Variants in TBCD observed in about 807,000 individuals in gnomAD.
The protein encoded by TBCD is tubulin folding cofactor D.
A neutral mutation model predicts 169.3 loss-of-function variants in TBCD; 105 were observed. The observed-to-expected ratio is 0.62, with a 90% confidence interval of 0.53 to 0.73. TBCD has a LOEUF of 0.73. TBCD is among the 30% of genes least tolerant of loss of function. The probability of loss-of-function intolerance (pLI) is 0.00; values close to 1 mark genes in which losing one functional copy is unlikely to be tolerated. For synonymous variants in TBCD, 700 were observed against 643.9 expected (o/e 1.09, Z -1.32); for missense variants, 1,444 against 1,600.1 (o/e 0.90, Z 1.66).
rs906382290 is a variant in TBCD, at chr17:82,782,751, G to A, written c.771+1030G>A. Among the ~76,000 whole-genome samples the A allele has an allele frequency of 1.4e-5, 2 of 144,982 alleles. No individual in the cohort carries two copies. The highest frequency in any genetic ancestry group is 3.0e-5 in the Non-Finnish European group (2 of 67,686). On this transcript the variant is annotated intron_variant, in intron 7 of 38. Coordinates refer to ENST00000355528, the MANE Select transcript of TBCD (RefSeq NM_005993.5). This position sits in a 1 kb window ranked among gnomAD's most constrained non-coding sequence, Gnocchi z 5.1. ...TGTCCGCAGCATCGTCTTCCTATCC[G>A]CGGCATTGTCTTCCTATCCGCGGCG...
chr17:82,939,340 G>C, intron 36 of TBCD, 27 bp from the exon 37 acceptor site: 1 of 1,588,586 alleles, frequency 6.3e-7, no homozygotes, highest in Non-Finnish European at 8.6e-7. Flanking sequence ...GCTTCCCTCC[G>C]GCAAATGCAC....
chr17:82,813,281 C>G (rs891160369), intron 12 of TBCD, among the ~76,000 whole-genome samples: 5 of 152,204 alleles, frequency 3.3e-5, no homozygotes, highest in African/African-American at 1.2e-4. Context: ...CTCTCTCTCT[C>G]TCTCTCTTCC....
intron 36 of TBCD, 118 bp downstream of exon 36, chr17:82,938,254 A>C (rs2062803013): frequency 8.4e-7 from 1 of 1,187,290 alleles, no homozygotes; most frequent in Non-Finnish European, 1.2e-6. Context: ...CCCTCTCGTT[A>C]ACGCGCCTGG....
At chr17:82,768,337 AG>A (rs1468832557) in intron 4 of TBCD, 82 bp from the exon 5 acceptor site, 10 of 1,532,598 alleles carry the variant, frequency 6.5e-6, no homozygotes, top group African/African-American at 1.4e-5. Context: ...GTGGGCATGG[AG>A]GGCAGTGACT....
chr17:82,887,228 T>C (rs1342444381), intron 15 of TBCD, among the ~76,000 whole-genome samples: 1 of 151,072 alleles, frequency 6.6e-6, no homozygotes, highest in Non-Finnish European at 1.5e-5. Context: ...ACATACAAAT[T>C]CACGTATCCA....
rs780416845 is a variant in TBCD, at chr17:82,926,485, T to C, written c.2465T>C (p.Ile822Thr). Residue 822 changes from isoleucine to threonine, a missense_variant, in exon 28 of 39, where the codon ATT becomes ACT. Physicochemically the swap from Ile to Thr is moderately conservative, Grantham distance 89. Coordinates refer to ENST00000355528, the MANE Select transcript of TBCD (RefSeq NM_005993.5). ...TCCAGGAGAGACGGCTTGAAGGCCATTGCGAGGTGAGTCCCAACAGTTCCT... is the reference window on the plus strand; with the variant it reads ...TCCAGGAGAGACGGCTTGAAGGCCACTGCGAGGTGAGTCCCAACAGTTCCT... ...AESRRDGLKA[I>T]ARICQTVGVK... The C allele has an allele frequency of 6.2e-7, 1 of 1,613,804 alleles. No homozygotes were observed. Among genetic ancestry groups the C allele is most frequent in the East Asian group, 2.2e-5 (1 of 44,854 alleles).
intron 13 of TBCD, among the ~76,000 whole-genome samples, chr17:82,850,560 CTGT>C (rs2055702626): frequency 6.8e-6 from 1 of 147,672 alleles, no homozygotes; most frequent in African/African-American, 2.5e-5. Flanking sequence ...GTTGGCTGTG[CTGT>C]TGTTGGCTGT....
At chr17:82,878,804 C>T (rs576936532) in intron 14 of TBCD, among the ~76,000 whole-genome samples, 1 of 152,198 alleles carries the variant, frequency 6.6e-6, no homozygotes, top group Admixed American at 6.5e-5. Context: ...TTCCTGTGTC[C>T]CCACCCCGAC....
At chr17:82,897,711 T>C (rs1227115018) in intron 17 of TBCD, among the ~76,000 whole-genome samples, 2 of 152,230 alleles carry the variant, frequency 1.3e-5, no homozygotes, top group Non-Finnish European at 2.9e-5. Context: ...CCATCCTGAC[T>C]GACCTCCTGT....
chr17:82,918,641 C>T (rs1415060889), intron 23 of TBCD: 1 of 152,198 alleles, frequency 6.6e-6, no homozygotes, highest in Non-Finnish European at 1.5e-5. Context: ...ACCACTGAGT[C>T]CCGTGTGCCG....
intron 23 of TBCD, among the ~76,000 whole-genome samples, chr17:82,919,858 C>T (rs529178303): frequency 3.3e-5 from 5 of 152,160 alleles, no homozygotes; most frequent in African/African-American, 1.2e-4. Context: ...ATCTGTAGCA[C>T]GGTCAGGCCT....
rs1266261478 is a variant in TBCD, at chr17:82,832,805, C to T, written c.1318+17871C>T. ...CGGTCACAGAAGCAGCCCTGCCCTA[C>T]CCTTGGTAACCTGGCTGCTGACTCC... On this transcript the variant is annotated intron_variant, in intron 13 of 38. Coordinates refer to ENST00000355528, the MANE Select transcript of TBCD (RefSeq NM_005993.5). The surrounding 1 kb of genome is among the most constrained non-coding windows in gnomAD (Gnocchi z 4.9). Among the ~76,000 whole-genome samples, 5 of 152,218 alleles carry T rather than the reference C, an allele frequency of 3.3e-5. No individual in the cohort carries two copies. Among genetic ancestry groups the T allele is most frequent in the African/African-American group, 9.6e-5 (4 of 41,456 alleles).
At chr17:82,758,384 GA>G (rs71168146) in intron 2 of TBCD, among the ~76,000 whole-genome samples, 1,347 of 25,100 alleles carry the variant, frequency 0.054, 84 homozygotes, top group African/African-American at 0.13. Context: ...AAACGTCTCG[GA>G]AAAAAAAAAA....
In TBCD at chr17:82,864,952, C is replaced by T. The variant is rs3887992; in HGVS notation, c.1319-5272C>T. Among the ~76,000 whole-genome samples, 21 of 151,862 alleles carry T rather than the reference C, an allele frequency of 1.4e-4. No homozygotes were observed. The South Asian group carries it at 2.9e-3, about 21-fold the overall frequency. The stretch of plus-strand genomic sequence containing the variant: ...GTTGGGGGTGGGGCTCCTTGCCCCC[C>T]AAGGGCAGGCCGAGCACCAAGTCTG... On this transcript the variant is annotated intron_variant, in intron 13 of 38. Transcript: ENST00000355528. The surrounding 1 kb of genome is among the most constrained non-coding windows in gnomAD (Gnocchi z 6.3).
At chr17:82,850,168 CTGTGCT>C (rs2055616029) in intron 13 of TBCD, among the ~76,000 whole-genome samples, 2 of 116,878 alleles carry the variant, frequency 1.7e-5, no homozygotes, top group Non-Finnish European at 3.6e-5. Flanking sequence ...CTGTTGTTGC[CTGTGCT>C]GCTGTTGGCT....
intron 8 of TBCD, among the ~76,000 whole-genome samples, chr17:82,800,610 G>C (rs2050441356): frequency 6.6e-6 from 1 of 152,088 alleles, no homozygotes; most frequent in Non-Finnish European, 1.5e-5. Context: ...TGTGTGTGCT[G>C]CCCCCCTTCA....
Position 82,860,298 on chromosome 17 carries a change from G to A in TBCD, c.1319-9926G>A, listed in dbSNP as rs192171264. The A allele has an allele frequency of 9.7e-4, 888 of 914,858 alleles. 5 individuals carry two copies. In the Admixed American group the frequency reaches 0.014, roughly 14 times the overall value. 56.7% of individuals were successfully genotyped at this position (914,858 alleles called of 1,614,324 possible). The stretch of plus-strand genomic sequence containing the variant: ...CAGGGAGGGCCCCCGCCCCCTGCAT[G>A]GCGGTCACGCTGCGCTGAGCGTCCC... On this transcript the variant is annotated intron_variant, in intron 13 of 38. Transcript: ENST00000355528.
At chr17:82,798,052 C>T (rs1233458697) in intron 8 of TBCD, among the ~76,000 whole-genome samples, 2 of 142,680 alleles carry the variant, frequency 1.4e-5, no homozygotes, top group Non-Finnish European at 3.0e-5. Context: ...TCTTGGCTCA[C>T]TGCAGCCTCC....
chr17:82,849,976 C>CTGTGCTGT (rs2055537130), intron 13 of TBCD, among the ~76,000 whole-genome samples: 3 of 71,094 alleles, frequency 4.2e-5, no homozygotes, highest in African/African-American at 5.3e-5. Flanking sequence ...GGCTGTGCTG[C>CTGTGCTGT]TGTTGGCTGT....
Sources: allele counts gnomAD v4.1 joint callset (sites outside exome capture counted in the v4.1 genomes callset), GRCh38; gene constraint gnomAD v4.1.1; non-coding constraint Gnocchi (gnomAD v3.1); transcripts MANE v1.5; gene names NCBI Gene and HGNC (gene_info 2026-07-23, HGNC 2026-07-21).